Variants in ATXN7 observed in about 807,000 individuals in gnomAD.
The protein encoded by ATXN7 is ataxin 7.
A neutral mutation model predicts 70.5 loss-of-function variants in ATXN7; 12 were observed. The ratio of observed to expected loss-of-function variants is 0.17; its 90% CI spans 0.11 to 0.28. ATXN7 has a LOEUF of 0.28. ATXN7 is among the 10% of genes least tolerant of loss of function. The probability of loss-of-function intolerance (pLI) is 1.00; values close to 1 mark genes in which losing one functional copy is unlikely to be tolerated. For missense variants in ATXN7, 1,256 were observed against 1,131.7 expected (o/e 1.11, Z -1.58); for synonymous variants, 498 against 448.7 (o/e 1.11, Z -1.39).
chr3:63,941,323 A>G (rs773482570), intron 4 of ATXN7, among the ~76,000 whole-genome samples: 18 of 151,908 alleles, frequency 1.2e-4, no homozygotes, highest in South Asian at 2.1e-4. Context: ...GGGGTTTGGG[A>G]GAGAGAGAGG....
At chr3:63,941,572 G>T (rs2074769932) in intron 4 of ATXN7, among the ~76,000 whole-genome samples, 1 of 152,178 alleles carries the variant, frequency 6.6e-6, no homozygotes, top group South Asian at 2.1e-4. Context: ...TGCCAGAAAG[G>T]TTGGGGACTG....
chr3:63,902,289 A>G (rs1379122144), intron 2 of ATXN7: 1 of 152,162 alleles, frequency 6.6e-6, no homozygotes, highest in Non-Finnish European at 1.5e-5. Context: ...ATGCGCTTGT[A>G]GTCTCAGCTA....
chr3:63,891,353 C>G (rs1234084407), intron 1 of ATXN7, among the ~76,000 whole-genome samples: 1 of 149,402 alleles, frequency 6.7e-6, no homozygotes, highest in African/African-American at 2.5e-5. Flanking sequence ...GGGTCTTGCT[C>G]TTTTGCACTA....
Position 63,960,111 on chromosome 3 carries a change from C to T in ATXN7, c.499+7628C>T, listed in dbSNP as rs974908765. 2.6e-5 allele frequency among the ~76,000 whole-genome samples: 4 copies of T among 152,128 alleles called. No homozygotes were observed. In the East Asian group the frequency reaches 7.7e-4, roughly 29 times the overall value. Reference sequence around the variant, plus strand: ...TTTAGGTAAGGCTAGTTAAAGAAAGCCTGTCTCTGGAGTTGATGTTTAAAC... The same window carrying T: ...TTTAGGTAAGGCTAGTTAAAGAAAGTCTGTCTCTGGAGTTGATGTTTAAAC... On this transcript the variant is annotated intron_variant, in intron 5 of 12. Coordinates refer to ENST00000674280, the MANE Select transcript of ATXN7 (RefSeq NM_001377405.1).
At chr3:63,944,781 G>T (rs576689265) in intron 4 of ATXN7, among the ~76,000 whole-genome samples, 9 of 151,836 alleles carry the variant, frequency 5.9e-5, no homozygotes, top group South Asian at 2.1e-4. Flanking sequence ...TTAGTTTTTG[G>T]TTTTTGTTTT....
intron 4 of ATXN7, among the ~76,000 whole-genome samples, chr3:63,938,045 A>T (rs2074695511): frequency 6.6e-6 from 1 of 152,202 alleles, no homozygotes. Context: ...CTCGAAACAA[A>T]TCTGGGAAGA....
intron 1 of ATXN7, among the ~76,000 whole-genome samples, chr3:63,885,010 G>A (rs1664794679): frequency 6.6e-6 from 1 of 152,050 alleles, no homozygotes; most frequent in Admixed American, 6.6e-5. Context: ...CTTCCAAAGA[G>A]TGCAATATGA....
intron 2 of ATXN7, among the ~76,000 whole-genome samples, chr3:63,910,352 T>C (rs1703969990): frequency 6.6e-6 from 1 of 152,250 alleles, no homozygotes; most frequent in African/African-American, 2.4e-5. Context: ...TCTATATGGC[T>C]TGGTGGCCGC....
rs929349166 is a variant in ATXN7 at position 63,882,423 on chromosome 3, C to T, written c.-110-15976C>T. On this transcript the variant is annotated intron_variant, in intron 1 of 12. Transcript: ENST00000674280. ...TTTTTTGGGTCGGAGTCTTCTCTGT[C>T]ACCCAGGCTGGAGTGCAGTGGCACA... Among the ~76,000 whole-genome samples, 24 of 142,018 alleles carry T rather than the reference C, an allele frequency of 1.7e-4. No homozygotes were observed. The South Asian group carries it at 2.4e-3, about 14-fold the overall frequency. 93.2% of individuals were successfully genotyped at this position (142,018 alleles called of 152,430 possible). A position where few individuals can be genotyped will look rare whatever the true frequency, so the allele number is the denominator to read the frequency against.
intron 1 of ATXN7, among the ~76,000 whole-genome samples, chr3:63,881,165 A>G (rs544708036): frequency 6.6e-6 from 1 of 152,304 alleles, no homozygotes; most frequent in East Asian, 1.9e-4. Flanking sequence ...GCTTGAGGTC[A>G]CATAGTTTGA....
intron 5 of ATXN7, among the ~76,000 whole-genome samples, chr3:63,955,027 C>G (rs1371588472): frequency 6.6e-6 from 1 of 152,178 alleles, no homozygotes; most frequent in East Asian, 1.9e-4. Flanking sequence ...ATCTTAAAAT[C>G]ACATTTTTCT....
intron 2 of ATXN7, among the ~76,000 whole-genome samples, 189 bp from the exon 3 acceptor site, chr3:63,912,399 C>A (rs1704060489): frequency 6.6e-6 from 1 of 151,442 alleles, no homozygotes; most frequent in Non-Finnish European, 1.5e-5. Context: ...CTAGCCCGCG[C>A]CGCGGACTTT....
At chr3:63,911,054 A>G (rs1034217809) in intron 2 of ATXN7, among the ~76,000 whole-genome samples, 1 of 151,984 alleles carries the variant, frequency 6.6e-6, no homozygotes, top group Non-Finnish European at 1.5e-5. Flanking sequence ...AAAGAATTCC[A>G]CTTCCTCCCC....
At chr3:63,995,233 A>G (rs2075737416) in intron 11 of ATXN7, among the ~76,000 whole-genome samples, 1 of 151,436 alleles carries the variant, frequency 6.6e-6, no homozygotes, top group Admixed American at 6.6e-5. Context: ...AGTGGCTGGA[A>G]GCAGGGAACG....
chr3:63,938,929 T>C (rs1377813384), intron 4 of ATXN7, among the ~76,000 whole-genome samples: 2 of 152,382 alleles, frequency 1.3e-5, no homozygotes, highest in South Asian at 2.1e-4. Context: ...CTTGGAACCA[T>C]ATTTTAAATT....
At chr3:63,989,044 G>A (rs1436092309) in intron 9 of ATXN7, among the ~76,000 whole-genome samples, 1 of 152,184 alleles carries the variant, frequency 6.6e-6, no homozygotes, top group Non-Finnish European at 1.5e-5. Context: ...CCAGTCCTCG[G>A]CTGCTATTGC....
intron 4 of ATXN7, among the ~76,000 whole-genome samples, chr3:63,949,421 CAG>C (rs1436387986): frequency 6.6e-5 from 10 of 152,074 alleles, no homozygotes; most frequent in Middle Eastern, 3.4e-3. Context: ...TTTTGTGAGA[CAG>C]AGTCTCACTC....
chr3:63,879,990 G>A (rs965483453), intron 1 of ATXN7, among the ~76,000 whole-genome samples: 2 of 151,932 alleles, frequency 1.3e-5, no homozygotes, highest in Non-Finnish European at 1.5e-5. Flanking sequence ...GGAGGCTGAG[G>A]CAAGAGAATT....
At position 63,999,593 on chromosome 3, in the gene ATXN7, G is replaced by A; in HGVS notation, c.*126G>A. On this transcript the variant is annotated 3_prime_UTR_variant, in exon 13 of 13. Transcript: ENST00000674280. Reference sequence around the variant, plus strand: ...TCCCAACCTCCTGTGGGCCTCAAGGGTAGAAACCTGCCGGGCTGTTGTTTT... The same window carrying A: ...TCCCAACCTCCTGTGGGCCTCAAGGATAGAAACCTGCCGGGCTGTTGTTTT... 6.6e-7 allele frequency: 1 copy of A among 1,514,716 alleles called. No homozygotes were observed. Among genetic ancestry groups the A allele is most frequent in the South Asian group, 1.2e-5 (1 of 83,800 alleles). The allele number at this position is 1,514,716 out of a possible 1,614,324, so 93.8% of individuals were successfully genotyped here.
Sources: allele counts gnomAD v4.1 joint callset (sites outside exome capture counted in the v4.1 genomes callset), GRCh38; gene constraint gnomAD v4.1.1; transcripts MANE v1.5; gene names NCBI Gene and HGNC (gene_info 2026-07-23, HGNC 2026-07-21).